The following UBXN4 variants were observed in gnomAD, a reference collection of about 807,000 sequenced individuals.
UBXN4 encodes the protein UBX domain protein 4.
Under a neutral mutation model 66.2 loss-of-function variants are expected in UBXN4, and 35 were observed. That is an observed-to-expected ratio of 0.53 (90% CI 0.40 to 0.70). The LOEUF (loss-of-function observed/expected upper bound fraction) is 0.70, where lower values mean the gene tolerates loss of function less well. Among genes scored for constraint, UBXN4 ranks in the 30% least tolerant of loss-of-function variants. UBXN4 has a pLI of 0.00. For synonymous variants in UBXN4, 203 were observed against 204.5 expected (o/e 0.99, Z 0.06); for missense variants, 533 against 599.8 (o/e 0.89, Z 1.16).
chr2:135,781,191 C>T (rs1044550292), intron 12 of UBXN4, among the ~76,000 whole-genome samples: 5 of 152,200 alleles, frequency 3.3e-5, no homozygotes, highest in Non-Finnish European at 7.4e-5. Context: ...TGCACTCCAG[C>T]CTGGGTGACA....
At position 135,783,717 on chromosome 2, in the gene UBXN4, T is replaced by A. The variant is rs2077464254; in HGVS notation, c.*830T>A. ...CTAGTCTGCAACCTAGTTTTCCCTC[T>A]CACCTTTAACTGACGTTTTGTCCTC... On this transcript the variant is annotated 3_prime_UTR_variant, in exon 13 of 13. Coordinates refer to ENST00000272638, the MANE Select transcript of UBXN4 (RefSeq NM_014607.4). 6.6e-6 allele frequency: 1 copy of A among 152,232 alleles called. No individual in the cohort carries two copies. Among genetic ancestry groups the A allele is most frequent in the Admixed American group, 6.5e-5 (1 of 15,280 alleles). 9.4% of individuals were successfully genotyped at this position (152,232 alleles called of 1,614,324 possible).
intron 1 of UBXN4, among the ~76,000 whole-genome samples, chr2:135,743,007 G>T (rs2077186555): frequency 6.6e-6 from 1 of 152,096 alleles, no homozygotes; most frequent in Non-Finnish European, 1.5e-5. Context: ...TGAACTCCCT[G>T]CCTCTACGGT....
At chr2:135,756,596 G>A (rs2077279803) in intron 5 of UBXN4, among the ~76,000 whole-genome samples, 1 of 152,108 alleles carries the variant, frequency 6.6e-6, no homozygotes, top group Admixed American at 6.6e-5. Flanking sequence ...TACGGAACGG[G>A]GGGACTCTAT....
chr2:135,741,927 G>C lies in UBXN4; in HGVS notation c.-3G>C. ...GAGCGAGCGCCTGGGCCCGAAGGGA[G>C]CGATGCTGTGGTTCCAGGGCGCCAT... is the stretch of plus-strand genomic sequence containing the variant. On this transcript the variant is annotated 5_prime_UTR_variant, in exon 1 of 13. Transcript: ENST00000272638. 4 of 1,611,926 alleles carry C rather than the reference G, an allele frequency of 2.5e-6. No individual in the cohort carries two copies. The highest frequency in any genetic ancestry group is 3.4e-6 in the Non-Finnish European group (4 of 1,179,196).
Position 135,783,089 on chromosome 2 carries a change from T to G in UBXN4, c.*202T>G. ...AATAACTCTCTGCTAGGTCCTTGCT[T>G]ATATGGCAACCACTGCTAGAACCCT... is the stretch of plus-strand genomic sequence containing the variant. On this transcript the variant is annotated 3_prime_UTR_variant, in exon 13 of 13. Coordinates refer to ENST00000272638, the MANE Select transcript of UBXN4 (RefSeq NM_014607.4). 2.0e-6 allele frequency: 1 copy of G among 492,554 alleles called. No individual in the cohort carries two copies. The allele number at this position is 492,554 out of a possible 1,614,324, so 30.5% of individuals were successfully genotyped here.
intron 6 of UBXN4, among the ~76,000 whole-genome samples, chr2:135,768,555 CT>C (rs1265765039): frequency 6.7e-6 from 1 of 150,216 alleles, no homozygotes; most frequent in African/African-American, 2.5e-5. Context: ...CCATGCTCAG[CT>C]GATTTTATAT....
At position 135,742,018 on chromosome 2, in the gene UBXN4, G is replaced by A. The variant is rs1205982067; in HGVS notation, c.82+7G>A. ...TTCGTGGTGTTCGTGGCAGGTGAAGGAGGCAGGGGTTCGAGAGGCGGCCGG... is the reference window on the plus strand; with the variant it reads ...TTCGTGGTGTTCGTGGCAGGTGAAGAAGGCAGGGGTTCGAGAGGCGGCCGG... On this transcript the variant is annotated splice_region_variant and intron_variant, in intron 1 of 12. Transcript: ENST00000272638. 6.2e-7 allele frequency: 1 copy of A among 1,612,740 alleles called. No homozygotes were observed. Among genetic ancestry groups the A allele is most frequent in the Admixed American group, 1.7e-5 (1 of 59,960 alleles).
At position 135,779,015 on chromosome 2, in the gene UBXN4, A is replaced by C. The variant is rs1575324738; in HGVS notation, c.1121A>C (p.Glu374Ala). 1 of 1,613,846 alleles carries C rather than the reference A, an allele frequency of 6.2e-7. No homozygotes were observed. The highest frequency in any genetic ancestry group is 1.1e-5 in the South Asian group (1 of 90,984). The change falls in exon 11 of 13, where the codon GAA (glutamate) becomes GCA (alanine). Residue 374 changes from glutamate (E) to alanine (A), a missense_variant. By Grantham distance (107) the Glu-to-Ala change is moderately radical. This residue lies in a region of UBXN4 where 529 missense variants were observed against 580.1 expected (regional missense o/e 0.91). Transcript: ENST00000272638. ...TMFPRREFTK[E>A]DYKKKLLDLE... ...TTTCCCAGGAGGGAATTTACCAAAG[A>C]AGATTATAAAAAGAAGTTACTGGAT...
At chr2:135,746,227 A>T (rs2077206842) in intron 1 of UBXN4, among the ~76,000 whole-genome samples, 1 of 152,114 alleles carries the variant, frequency 6.6e-6, no homozygotes, top group South Asian at 2.1e-4. Context: ...CATCTCACAA[A>T]ATATATGCAA....
intron 1 of UBXN4, among the ~76,000 whole-genome samples, chr2:135,743,989 G>A (rs1323013360): frequency 2.6e-5 from 4 of 152,184 alleles, no homozygotes; most frequent in African/African-American, 9.6e-5. Context: ...GTCTCTGTCT[G>A]TCCCTTGACC....
intron 2 of UBXN4, among the ~76,000 whole-genome samples, chr2:135,749,039 C>CAA (rs557855527): frequency 2.2e-5 from 3 of 134,712 alleles, no homozygotes; most frequent in African/African-American, 8.2e-5. Context: ...AAGACTATCT[C>CAA]AAAAAAAAAA....
intron 1 of UBXN4, chr2:135,742,878 T>C (rs2077185346): frequency 6.6e-6 from 1 of 151,740 alleles, no homozygotes; most frequent in African/African-American, 2.4e-5. Flanking sequence ...TTTGTTGTCT[T>C]CTTAGGCTAA....
At chr2:135,760,526 C>T (rs554062023) in intron 5 of UBXN4, among the ~76,000 whole-genome samples, 1 of 152,296 alleles carries the variant, frequency 6.6e-6, no homozygotes, top group South Asian at 2.1e-4. Flanking sequence ...GGAAATCTTC[C>T]TCTATATGAC....
chr2:135,770,860 C>T (rs1360403078), intron 8 of UBXN4, 125 bp downstream of exon 8: 1 of 945,196 alleles, frequency 1.1e-6, no homozygotes, highest in East Asian at 3.3e-5. Flanking sequence ...CCTGAGCTTC[C>T]TTTTATTAGA....
Position 135,769,815 on chromosome 2 carries a change from G to T in UBXN4, c.649G>T (p.Glu217Ter). 6.3e-7 allele frequency: 1 copy of T among 1,598,062 alleles called. No individual in the cohort carries two copies. Reference protein sequence around the residue: ...EERREEKRKEEEQREIKKEIE... With the variant: ...EERREEKRKE ...AAGGAGAGAAGAGAAAAGAAAAGAG[G>T]AAGAACAGGTAAAGTTCATGCAGTT... Residue 217 changes from glutamate (E) to a stop codon, truncating the protein, a stop_gained, in exon 7 of 13, where the codon GAA becomes TAA. Coordinates refer to ENST00000272638, the MANE Select transcript of UBXN4 (RefSeq NM_014607.4). LOFTEE classifies it high-confidence loss of function.
At chr2:135,764,564 A>G (rs566294449) in intron 6 of UBXN4, among the ~76,000 whole-genome samples, 2 of 152,300 alleles carry the variant, frequency 1.3e-5, no homozygotes, top group East Asian at 1.9e-4. Context: ...GTGCAGTGGC[A>G]TGATCTTGGC....
intron 9 of UBXN4, among the ~76,000 whole-genome samples, chr2:135,773,266 A>G (rs2077394576): frequency 1.3e-5 from 2 of 152,136 alleles, no homozygotes; most frequent in East Asian, 1.9e-4. Flanking sequence ...AATCTAAAGG[A>G]TACCATTACA....
chr2:135,780,454 G>A (rs2077442974), intron 12 of UBXN4, 69 bp downstream of exon 12: 8 of 1,499,616 alleles, frequency 5.3e-6, no homozygotes, highest in Non-Finnish European at 7.4e-6. Context: ...TAAGTAAAAA[G>A]TTGAGTACTT....
intron 9 of UBXN4, among the ~76,000 whole-genome samples, chr2:135,775,834 T>C (rs973340230): frequency 6.6e-6 from 1 of 152,096 alleles, no homozygotes; most frequent in Admixed American, 6.5e-5. Flanking sequence ...TGGCATGATC[T>C]CGGCTTACTG....
Sources: allele counts gnomAD v4.1 joint callset (sites outside exome capture counted in the v4.1 genomes callset), GRCh38; gene constraint gnomAD v4.1.1; regional missense constraint gnomAD v4.1.1; transcripts MANE v1.5; gene names NCBI Gene and HGNC (gene_info 2026-07-23, HGNC 2026-07-21).